Variants in KIF21A observed in about 807,000 individuals in gnomAD.
The protein encoded by KIF21A is kinesin family member 21A, also known as kinesin-like protein KIF21A.
In KIF21A, 114 loss-of-function variants were observed where a neutral mutation model predicts 202.9. That is an observed-to-expected ratio of 0.56 (90% confidence interval 0.48 to 0.66). KIF21A has a LOEUF of 0.66. KIF21A is among the 30% of genes least tolerant of loss of function. The pLI is 0.00. For synonymous variants in KIF21A, 667 were observed against 670.8 expected, an observed-to-expected ratio of 0.99 and a Z score of 0.09; for missense variants, 1,677 against 1,994.9, an observed-to-expected ratio of 0.84 and a Z score of 3.04.
chr12:39,330,137 G>T (rs1322999062), intron 24 of KIF21A, 105 bp downstream of exon 24: 2 of 1,072,524 alleles, frequency 1.9e-6, no homozygotes, highest in South Asian at 2.6e-5. Flanking sequence ...AAAACCACTT[G>T]ACCGCCAATA....
At chr12:39,318,968 G>A (rs944275313) in intron 28 of KIF21A, among the ~76,000 whole-genome samples, 8 of 149,710 alleles carry the variant, frequency 5.3e-5, no homozygotes, top group African/African-American at 1.2e-4. Context: ...GCAACAGAGC[G>A]AGACTCCGTC....
At chr12:39,438,584 C>A (rs1939139645) in intron 1 of KIF21A, among the ~76,000 whole-genome samples, 1 of 152,106 alleles carries the variant, frequency 6.6e-6, no homozygotes, top group African/African-American at 2.4e-5. Flanking sequence ...AAGGTGAAAA[C>A]CTAGCAAACT....
intron 1 of KIF21A, among the ~76,000 whole-genome samples, chr12:39,407,809 T>C (rs1007988695): frequency 6.6e-6 from 1 of 152,014 alleles, no homozygotes; most frequent in Non-Finnish European, 1.5e-5. Context: ...TCTTAACCCA[T>C]GCCCATTCCA....
intron 11 of KIF21A, among the ~76,000 whole-genome samples, chr12:39,350,123 T>C (rs1429992657): frequency 6.6e-6 from 1 of 151,990 alleles, no homozygotes; most frequent in Non-Finnish European, 1.5e-5. Context: ...TGTTAGGAAA[T>C]AAATTATTTT....
chr12:39,427,785 A>G (rs990128356), intron 1 of KIF21A, among the ~76,000 whole-genome samples: 4 of 152,134 alleles, frequency 2.6e-5, no homozygotes, highest in Non-Finnish European at 4.4e-5. Flanking sequence ...CAGCCTCCTG[A>G]GTAGCTGAGA....
intron 1 of KIF21A, among the ~76,000 whole-genome samples, chr12:39,432,349 A>G (rs1175679619): frequency 6.6e-6 from 1 of 152,180 alleles, no homozygotes; most frequent in African/African-American, 2.4e-5. Flanking sequence ...GAGCAGCACT[A>G]TTCACTCTCA....
intron 1 of KIF21A, among the ~76,000 whole-genome samples, chr12:39,411,330 T>C (rs921831875): frequency 2.0e-5 from 3 of 152,186 alleles, no homozygotes; most frequent in Admixed American, 1.3e-4. Flanking sequence ...TTAGAAATGG[T>C]GGTCTGAGAC....
chr12:39,343,332 C>T (rs1234191470), intron 12 of KIF21A, among the ~76,000 whole-genome samples: 1 of 151,796 alleles, frequency 6.6e-6, no homozygotes, highest in Admixed American at 6.6e-5. Context: ...TGCACTCTAG[C>T]CCGGGCAACA....
At chr12:39,440,181 A>G (rs1209029291) in intron 1 of KIF21A, among the ~76,000 whole-genome samples, 2 of 152,226 alleles carry the variant, frequency 1.3e-5, no homozygotes. Flanking sequence ...CAAAATATGA[A>G]TAACCTGTGA....
chr12:39,340,815 G>T, intron 15 of KIF21A, 91 bp downstream of exon 15: 1 of 898,648 alleles, frequency 1.1e-6, no homozygotes, highest in Admixed American at 2.4e-5. Flanking sequence ...GGTTTAATAC[G>T]GCTTCTATTT....
intron 1 of KIF21A, among the ~76,000 whole-genome samples, chr12:39,392,149 G>T (rs1951411176): frequency 6.6e-6 from 1 of 152,136 alleles, no homozygotes. Flanking sequence ...GCAGGACCTG[G>T]GGATTAAAAG....
chr12:39,327,374 A>AT (rs1946055856), intron 24 of KIF21A, among the ~76,000 whole-genome samples: 1 of 152,202 alleles, frequency 6.6e-6, no homozygotes, highest in Non-Finnish European at 1.5e-5. Flanking sequence ...AAAAATGGTG[A>AT]TTTTGAAGGC....
At chr12:39,340,872 T>A (rs773504274) in intron 15 of KIF21A, 34 bp downstream of exon 15, 22 of 1,478,402 alleles carry the variant, frequency 1.5e-5, no homozygotes, top group Admixed American at 3.4e-5. Flanking sequence ...AAGATTTAGC[T>A]TGAACTTTCA....
At position 39,442,890 on chromosome 12, in the gene KIF21A, C is replaced by A. The variant is rs1337999438; in HGVS notation, c.44+37G>T. On this transcript the variant is annotated intron_variant, in intron 1 of 37. Coordinates refer to ENST00000361418, the MANE Select transcript of KIF21A (RefSeq NM_001173464.2). The surrounding 1 kb of genome is among the most constrained non-coding windows in gnomAD (Gnocchi z 5.0). ...CCAGGTCCTTGCCGCGCCCTCAACC[C>A]GCCGCCCGCCGCCCGCCGCCGGCAG... The A allele has an allele frequency of 2.0e-6, 3 of 1,522,510 alleles. 1 individual carries two copies. The African/African-American group carries it at 4.2e-5, about 21-fold the overall frequency. The allele number at this position is 1,522,510 out of a possible 1,614,324, so 94.3% of individuals were successfully genotyped here.
rs1435485671 is a variant in KIF21A, at chr12:39,333,000, A to G, written c.2595T>C (p.Ser865=). The change falls in exon 19 of 38, where the codon AGT becomes AGC. Residue 865 remains serine, a synonymous_variant. Transcript: ENST00000361418. ...SDAPAQDTGS[S]AAAVETDASR... The stretch of plus-strand genomic sequence containing the variant: ...ATGCATCTGTTTCGACAGCAGCTGC[A>G]CTGGAACCTGTGTCCTGAGCAGGTG... 6.2e-7 allele frequency: 1 copy of G among 1,614,146 alleles called. No individual in the cohort carries two copies. Among genetic ancestry groups the G allele is most frequent in the Admixed American group, 1.7e-5 (1 of 60,026 alleles).
chr12:39,362,592 C>T (rs2139004687), intron 7 of KIF21A, among the ~76,000 whole-genome samples: 1 of 151,840 alleles, frequency 6.6e-6, no homozygotes, highest in South Asian at 2.1e-4. Context: ...CCAGCCAACA[C>T]TCTGTATTTC....
At chr12:39,318,282 T>TA (rs561868593) in intron 28 of KIF21A, 81 bp from the exon 29 acceptor site, 186 of 1,378,654 alleles carry the variant, frequency 1.3e-4, no homozygotes, top group African/African-American at 1.2e-3. Flanking sequence ...CATGCTCTTT[T>TA]AAAAAAAAGC....
chr12:39,421,987 TC>T, intron 1 of KIF21A, among the ~76,000 whole-genome samples: 1 of 151,764 alleles, frequency 6.6e-6, no homozygotes, highest in African/African-American at 2.4e-5. Flanking sequence ...GGGCAAACTC[TC>T]ACTTTATCAC....
At chr12:39,327,345 G>A (rs551456069) in intron 24 of KIF21A, among the ~76,000 whole-genome samples, 1 of 152,118 alleles carries the variant, frequency 6.6e-6, no homozygotes, top group African/African-American at 2.4e-5. Context: ...ACTCAAAGGG[G>A]TTTACTTTCT....
Sources: allele counts gnomAD v4.1 joint callset (sites outside exome capture counted in the v4.1 genomes callset), GRCh38; gene constraint gnomAD v4.1.1; non-coding constraint Gnocchi (gnomAD v3.1); transcripts MANE v1.5; gene names NCBI Gene and HGNC (gene_info 2026-07-23, HGNC 2026-07-21).